The following UBL3 variants were observed in gnomAD, a reference collection of about 807,000 sequenced individuals.
The protein encoded by UBL3 is ubiquitin-like protein 3.
In UBL3, 6 loss-of-function variants were observed where a neutral mutation model predicts 18.4. That is an observed-to-expected ratio of 0.33 (90% CI 0.18 to 0.64). The LOEUF (loss-of-function observed/expected upper bound fraction) is 0.64. Among genes scored for constraint, UBL3 ranks in the 30% least tolerant of loss-of-function variants. The pLI is 0.76. For synonymous variants in UBL3, 49 were observed against 46.6 expected (o/e 1.05, Z -0.21); for missense variants, 109 against 142.9 (o/e 0.76, Z 1.21).
chr13:29,833,136 G>A (rs1631987), intron 1 of UBL3, among the ~76,000 whole-genome samples: 15,537 of 152,182 alleles, frequency 0.1, 972 homozygotes, highest in African/African-American at 0.17. Context: ...TAAGAAGGTT[G>A]GCCTGGATTA....
intron 1 of UBL3, among the ~76,000 whole-genome samples, chr13:29,817,229 TGAATGTCATTTGGGGAAGTC>T (rs1565997306): frequency 3.9e-5 from 6 of 152,248 alleles, no homozygotes; most frequent in Non-Finnish European, 8.8e-5. Context: ...GTTTAGAATC[TGAATGTCATTTGGGGAAGTC>T]TACAGTTACC....
chr13:29,816,241 A>G (rs892860550), intron 1 of UBL3, among the ~76,000 whole-genome samples: 2 of 152,148 alleles, frequency 1.3e-5, no homozygotes, highest in African/African-American at 2.4e-5. Context: ...TACTTTGTCT[A>G]GAGTCCCTTC....
intron 1 of UBL3, among the ~76,000 whole-genome samples, chr13:29,836,367 T>TAAAC (rs920507373): frequency 7.1e-6 from 1 of 140,084 alleles, no homozygotes; most frequent in Non-Finnish European, 1.6e-5. Flanking sequence ...AACAAATAAA[T>TAAAC]AAATAAATAA....
intron 1 of UBL3, among the ~76,000 whole-genome samples, chr13:29,784,065 G>T (rs1215518283): frequency 1.3e-5 from 2 of 152,156 alleles, no homozygotes; most frequent in African/African-American, 4.8e-5. Context: ...AAGGCCAATG[G>T]ATACAACAAG....
Position 29,844,088 on chromosome 13 carries a change from AGAAAAACTG to A in UBL3, c.27+5415_27+5423del, listed in dbSNP as rs1030058915. Among the ~76,000 whole-genome samples, 11 of 152,236 alleles carry A rather than the reference AGAAAAACTG, an allele frequency of 7.2e-5. No homozygotes were observed. In the South Asian group the frequency reaches 1.4e-3, roughly 20 times the overall value. On this transcript the variant is annotated intron_variant, in intron 1 of 4. Coordinates refer to ENST00000380680, the MANE Select transcript of UBL3 (RefSeq NM_007106.4). ...AGTATTTTTAAAGGGACTATATAACAGAAAAACTGGAAAAACTCTGAGAAACTCATGGTG... is the reference window on the plus strand; with the variant it reads ...AGTATTTTTAAAGGGACTATATAACAGAAAAACTCTGAGAAACTCATGGTG...
At chr13:29,813,051 T>C (rs1224435423) in intron 1 of UBL3, among the ~76,000 whole-genome samples, 4 of 152,032 alleles carry the variant, frequency 2.6e-5, no homozygotes, top group Non-Finnish European at 5.9e-5. Flanking sequence ...TCATTAAAAA[T>C]ACCCATTACA....
intron 1 of UBL3, among the ~76,000 whole-genome samples, chr13:29,833,012 T>C (rs941454041): frequency 3.3e-5 from 5 of 152,146 alleles, no homozygotes; most frequent in African/African-American, 7.2e-5. Flanking sequence ...AGAAAGATTA[T>C]GGACAAGCAG....
chr13:29,831,067 C>G (rs1024761816), intron 1 of UBL3, among the ~76,000 whole-genome samples: 1 of 151,820 alleles, frequency 6.6e-6, no homozygotes, highest in Admixed American at 6.6e-5. Flanking sequence ...CCTTTTCTCA[C>G]GTTCATAATT....
intron 1 of UBL3, chr13:29,779,121 A>G: frequency 2.6e-6 from 1 of 387,280 alleles, no homozygotes; most frequent in Non-Finnish European, 4.9e-6. Flanking sequence ...AGTAGTCTGC[A>G]AGAATGATTA....
intron 1 of UBL3, among the ~76,000 whole-genome samples, chr13:29,816,382 C>T (rs1221542432): frequency 1.3e-5 from 2 of 152,032 alleles, no homozygotes; most frequent in African/African-American, 4.8e-5. Context: ...ACTGTTTTGA[C>T]TATCTAAAAC....
At chr13:29,794,287 A>G (rs1353607232) in intron 1 of UBL3, among the ~76,000 whole-genome samples, 1 of 152,160 alleles carries the variant, frequency 6.6e-6, no homozygotes, top group East Asian at 1.9e-4. Flanking sequence ...TAAGGAATAA[A>G]ATTACTTTCT....
chr13:29,835,118 ATATATAAATATATATATATATAT>A (rs1878903489), intron 1 of UBL3, among the ~76,000 whole-genome samples: 11 of 26,264 alleles, frequency 4.2e-4, no homozygotes, highest in African/African-American at 3.9e-3. Context: ...ATATATATAT[ATATATAAATATATATATATATAT>A]ATATATATAT....
At chr13:29,783,451 C>T (rs1877230672) in intron 1 of UBL3, among the ~76,000 whole-genome samples, 1 of 152,110 alleles carries the variant, frequency 6.6e-6, no homozygotes, top group Non-Finnish European at 1.5e-5. Flanking sequence ...GTCAAGTATA[C>T]CTTAGGACTG....
chr13:29,779,127 G>A, intron 1 of UBL3: 2 of 403,884 alleles, frequency 5.0e-6, no homozygotes, highest in South Asian at 1.9e-5. Flanking sequence ...CTGCAAGAAT[G>A]ATTACACTCT....
intron 1 of UBL3, among the ~76,000 whole-genome samples, chr13:29,810,675 T>C (rs935388222): frequency 2.0e-5 from 3 of 152,118 alleles, no homozygotes; most frequent in Admixed American, 6.6e-5. Flanking sequence ...AAAATACAGG[T>C]ATTTTTAGTG....
intron 1 of UBL3, among the ~76,000 whole-genome samples, chr13:29,846,542 T>C (rs950849654): frequency 3.9e-5 from 6 of 152,148 alleles, no homozygotes; most frequent in African/African-American, 7.2e-5. Flanking sequence ...GAGTTCTACC[T>C]ACAAAACAAA....
rs1272100315 is a variant in UBL3 at position 29,850,582 on chromosome 13, GGCA to G, written c.-1047_-1045del. On this transcript the variant is annotated 5_prime_UTR_variant, in exon 1 of 5. Coordinates refer to ENST00000380680, the MANE Select transcript of UBL3 (RefSeq NM_007106.4). ...TCATCGCCTCTCAAACCAACATGGC[GGCA>G]GCGGCGGCGGCGGCGGCTGCCTGAG... The G allele has an allele frequency of 6.4e-6, 1 of 155,740 alleles. No homozygotes were observed. The highest frequency in any genetic ancestry group is 1.4e-5 in the Non-Finnish European group (1 of 71,376). 9.6% of individuals were successfully genotyped at this position (155,740 alleles called of 1,614,324 possible).
chr13:29,818,987 A>C (rs1233262111), intron 1 of UBL3, among the ~76,000 whole-genome samples: 3 of 152,200 alleles, frequency 2.0e-5, no homozygotes, highest in Non-Finnish European at 4.4e-5. Context: ...TGTTTTAAAA[A>C]TAATCACTAT....
chr13:29,806,674 G>A (rs995195742), intron 1 of UBL3, among the ~76,000 whole-genome samples: 3 of 152,116 alleles, frequency 2.0e-5, no homozygotes, highest in African/African-American at 7.2e-5. Context: ...TAAATACTGA[G>A]GCGTTCTTTG....
Sources: gnomAD v4.1 joint callset for allele counts (sites outside exome capture counted in the v4.1 genomes callset) on GRCh38, gnomAD v4.1.1 for gene constraint, MANE v1.5 for transcripts, NCBI Gene and HGNC (gene_info 2026-07-23, HGNC 2026-07-21) for gene names.